The following IPO11 variants were observed in gnomAD, a reference collection of about 807,000 sequenced individuals.
IPO11 encodes importin 11.
Under a neutral mutation model 143.2 loss-of-function variants are expected in IPO11, and 66 were observed. The ratio of observed to expected loss-of-function variants is 0.46; its 90% CI spans 0.38 to 0.57. The LOEUF (loss-of-function observed/expected upper bound fraction) is 0.57. Ranked by LOEUF, IPO11 falls within the 20% of genes least tolerant of loss-of-function variation. IPO11 has a pLI of 0.00. For synonymous variants in IPO11, 385 were observed against 377.8 expected, an observed-to-expected ratio of 1.02 and a Z score of -0.22; for missense variants, 1,026 against 1,141.0, an observed-to-expected ratio of 0.90 and a Z score of 1.45.
At chr5:62,551,936 A>G (rs1743401391) in intron 26 of IPO11, among the ~76,000 whole-genome samples, 2 of 152,094 alleles carry the variant, frequency 1.3e-5, no homozygotes, top group Non-Finnish European at 2.9e-5. Flanking sequence ...CATCCTGGCT[A>G]ACACAGTGAA....
At chr5:62,533,723 C>A (rs1210407088) in intron 22 of IPO11, among the ~76,000 whole-genome samples, 1 of 151,924 alleles carries the variant, frequency 6.6e-6, no homozygotes, top group African/African-American at 2.4e-5. Flanking sequence ...GTGGCTCATG[C>A]CTGTAATCAG....
intron 27 of IPO11, among the ~76,000 whole-genome samples, chr5:62,562,384 T>G (rs536939064): frequency 5.9e-5 from 9 of 152,318 alleles, no homozygotes; most frequent in African/African-American, 2.2e-4. Flanking sequence ...GAAGAAAATT[T>G]TTCCATGAAC....
At chr5:62,612,203 C>A (rs148006752) in intron 29 of IPO11, among the ~76,000 whole-genome samples, 22 of 152,144 alleles carry the variant, frequency 1.4e-4, no homozygotes, top group African/African-American at 4.6e-4. Flanking sequence ...TTCAGTGAAC[C>A]AGTATTTTCC....
Position 62,489,339 on chromosome 5 carries a change from CA to C in IPO11, c.1350del (p.Asp451MetfsTer9). 1 of 1,561,892 alleles carries C rather than the reference CA, an allele frequency of 6.4e-7. No individual in the cohort carries two copies. The highest frequency in any genetic ancestry group is 1.8e-5 in the Admixed American group (1 of 56,064). ...NVEDMNALLI[K>X]DAVYNAVGLA... ...TGGAAGATATGAATGCACTGTTAAT[CA>C]AAGATGCTGGTATGTTAAACTTAAG... On this transcript the variant is annotated frameshift_variant, in exon 14 of 30. Transcript: ENST00000325324. LOFTEE classifies it high-confidence loss of function.
chr5:62,560,832 GT>G (rs1225102118), intron 26 of IPO11: 8 of 179,940 alleles, frequency 4.4e-5, no homozygotes, highest in Non-Finnish European at 8.1e-5. Context: ...AAAAATGCAT[GT>G]TTTTTTTAAT....
At chr5:62,610,780 T>C (rs1323392414) in intron 29 of IPO11, among the ~76,000 whole-genome samples, 1 of 152,166 alleles carries the variant, frequency 6.6e-6, no homozygotes, top group African/African-American at 2.4e-5. Context: ...TTCTTCTGTA[T>C]TCATTCCACA....
chr5:62,578,256 T>C (rs1420102664), intron 27 of IPO11, among the ~76,000 whole-genome samples: 1 of 152,066 alleles, frequency 6.6e-6, no homozygotes, highest in Non-Finnish European at 1.5e-5. Context: ...TCAGTATTTT[T>C]TGCAACCAAA....
intron 28 of IPO11, among the ~76,000 whole-genome samples, chr5:62,592,976 T>A (rs1745085514): frequency 6.6e-6 from 1 of 152,194 alleles, no homozygotes; most frequent in South Asian, 2.1e-4. Flanking sequence ...ACTTAATATG[T>A]GACAAAGTTT....
intron 27 of IPO11, among the ~76,000 whole-genome samples, chr5:62,569,460 G>GT (rs1178932510): frequency 6.6e-6 from 1 of 152,118 alleles, no homozygotes; most frequent in East Asian, 1.9e-4. Context: ...TCATTGGAGG[G>GT]TTCTGTTTTG....
chr5:62,553,724 C>T (rs1334510068), intron 26 of IPO11, among the ~76,000 whole-genome samples: 1 of 151,464 alleles, frequency 6.6e-6, no homozygotes, highest in Non-Finnish European at 1.5e-5. Context: ...TTGTGATTTG[C>T]ATTTCCCTGA....
At chr5:62,608,999 A>T (rs1413330716) in intron 29 of IPO11, among the ~76,000 whole-genome samples, 5 of 152,168 alleles carry the variant, frequency 3.3e-5, no homozygotes, top group Non-Finnish European at 7.4e-5. Flanking sequence ...GGACTCATAC[A>T]CTGTGTAGCC....
intron 11 of IPO11, 27 bp from the exon 12 acceptor site, chr5:62,485,392 G>A (rs771146308): frequency 1.9e-6 from 3 of 1,569,054 alleles, no homozygotes; most frequent in South Asian, 2.2e-5. Context: ...TGTTGAAAAT[G>A]TCATTATTAC....
intron 29 of IPO11, among the ~76,000 whole-genome samples, chr5:62,603,106 G>C (rs912936288): frequency 1.3e-5 from 2 of 152,110 alleles, no homozygotes. Flanking sequence ...TGTACCATGG[G>C]CTAATTGATC....
At chr5:62,574,531 A>G (rs1462481290) in intron 27 of IPO11, among the ~76,000 whole-genome samples, 4 of 152,202 alleles carry the variant, frequency 2.6e-5, no homozygotes, top group African/African-American at 9.6e-5. Flanking sequence ...AAGAGAGATT[A>G]GTGTTCCAAA....
At position 62,467,123 on chromosome 5, in the gene IPO11, C is replaced by G. The variant is rs1745599285; in HGVS notation, c.517-8C>G. The G allele has an allele frequency of 6.2e-7, 1 of 1,603,742 alleles. No individual in the cohort carries two copies. Among genetic ancestry groups the G allele is most frequent in the Middle Eastern group, 1.7e-4 (1 of 5,988 alleles). On this transcript the variant is annotated splice_region_variant and splice_polypyrimidine_tract_variant and intron_variant, in intron 5 of 29. Transcript: ENST00000325324. ...ACTATGAATAAATTTGTTGCCTTTT[C>G]TTTGCAGTTAGCTTCTGGAATTTAT...
intron 15 of IPO11, among the ~76,000 whole-genome samples, 158 bp from the exon 16 acceptor site, chr5:62,493,840 A>G (rs1741031544): frequency 6.6e-6 from 1 of 152,256 alleles, no homozygotes; most frequent in Admixed American, 6.5e-5. Context: ...AAGTGCTGCG[A>G]TTATAAGCAT....
chr5:62,449,974 C>T lies in IPO11; in HGVS notation c.287C>T (p.Thr96Ile). The change falls in exon 4 of 30, where the codon ACC becomes ATC. Residue 96 changes from threonine to isoleucine, a missense_variant. By Grantham distance (89) the Thr-to-Ile change is moderately conservative. This residue lies in a region of IPO11 where 429 missense variants were observed against 456.3 expected (regional missense o/e 0.94). Transcript: ENST00000325324. ...ACTACTCTGCGTGCAGGGCTCATCA[C>T]CAACTTCAATGAACCAATAAACCAG... ...EKTTLRAGLI[T>I]NFNEPINQIA... 6.3e-7 allele frequency: 1 copy of T among 1,599,406 alleles called. No individual in the cohort carries two copies. Among genetic ancestry groups the T allele is most frequent in the Non-Finnish European group, 8.5e-7 (1 of 1,174,244 alleles).
At chr5:62,586,479 G>A (rs1044430993) in intron 27 of IPO11, among the ~76,000 whole-genome samples, 1 of 151,864 alleles carries the variant, frequency 6.6e-6, no homozygotes, top group Non-Finnish European at 1.5e-5. Context: ...AATAACTTTG[G>A]TAACATGAAC....
intron 27 of IPO11, among the ~76,000 whole-genome samples, chr5:62,566,107 A>G (rs955743442): frequency 3.3e-5 from 5 of 152,148 alleles, no homozygotes; most frequent in African/African-American, 1.2e-4. Context: ...ATGTGTCTTT[A>G]TAGTAGAATG....
Sources: allele counts gnomAD v4.1 joint callset (sites outside exome capture counted in the v4.1 genomes callset), GRCh38; gene constraint gnomAD v4.1.1; regional missense constraint gnomAD v4.1.1; transcripts MANE v1.5; gene names NCBI Gene and HGNC (gene_info 2026-07-23, HGNC 2026-07-21).